Variants in FAM169A observed in about 807,000 individuals in gnomAD.
FAM169A encodes soluble lamin-associated protein of 75 kDa.
A neutral mutation model predicts 75.7 loss-of-function variants in FAM169A; 24 were observed. The ratio of observed to expected loss-of-function variants is 0.32; its 90% CI spans 0.23 to 0.45. FAM169A has a LOEUF of 0.45. FAM169A is among the 20% of genes least tolerant of loss of function. The probability of loss-of-function intolerance (pLI) is 1.00; values close to 1 mark genes in which losing one functional copy is unlikely to be tolerated. For synonymous variants in FAM169A, 271 were observed against 271.0 expected, an observed-to-expected ratio of 1.00 and a Z score of 0.00; for missense variants, 673 against 784.0, an observed-to-expected ratio of 0.86 and a Z score of 1.69.
chr5:74,820,300 T>C (rs1021994159), intron 5 of FAM169A, among the ~76,000 whole-genome samples: 10 of 152,140 alleles, frequency 6.6e-5, no homozygotes, highest in African/African-American at 1.7e-4. Flanking sequence ...CCAGCCTGAA[T>C]TGTATATTTT....
At chr5:74,857,591 A>C (rs1179935858) in intron 1 of FAM169A, among the ~76,000 whole-genome samples, 2 of 133,068 alleles carry the variant, frequency 1.5e-5, no homozygotes, top group African/African-American at 6.0e-5. Flanking sequence ...AAAAAAAAAA[A>C]AAAAAAAAAA....
At chr5:74,858,835 C>T (rs1296439025) in intron 1 of FAM169A, among the ~76,000 whole-genome samples, 4 of 152,000 alleles carry the variant, frequency 2.6e-5, no homozygotes, top group Admixed American at 1.3e-4. Context: ...AGAACAATGC[C>T]ATATCTAAAA....
At chr5:74,782,464 A>C (rs1178032909) in intron 12 of FAM169A, among the ~76,000 whole-genome samples, 1 of 152,238 alleles carries the variant, frequency 6.6e-6, no homozygotes, top group Non-Finnish European at 1.5e-5. Context: ...TGAGACACTA[A>C]TAATGCCATA....
At chr5:74,832,431 T>C (rs1040537499) in intron 5 of FAM169A, among the ~76,000 whole-genome samples, 1 of 151,956 alleles carries the variant, frequency 6.6e-6, no homozygotes, top group Non-Finnish European at 1.5e-5. Flanking sequence ...TCAAGGCTAT[T>C]CTATGTCCTA....
intron 5 of FAM169A, among the ~76,000 whole-genome samples, chr5:74,824,526 A>G (rs1246245501): frequency 6.6e-6 from 1 of 152,140 alleles, no homozygotes; most frequent in African/African-American, 2.4e-5. Flanking sequence ...AGAAGGATTT[A>G]TAAAGTTCAG....
chr5:74,802,338 G>A (rs1367712203), intron 8 of FAM169A, among the ~76,000 whole-genome samples: 1 of 151,272 alleles, frequency 6.6e-6, no homozygotes, highest in Non-Finnish European at 1.5e-5. Flanking sequence ...CCTCCACCCT[G>A]ATGACAAAGT....
chr5:74,807,309 T>G (rs1014774189), intron 6 of FAM169A, among the ~76,000 whole-genome samples: 1 of 152,196 alleles, frequency 6.6e-6, no homozygotes, highest in Non-Finnish European at 1.5e-5. Context: ...AAGCCTATTT[T>G]ATGATAAACT....
intron 1 of FAM169A, among the ~76,000 whole-genome samples, chr5:74,850,650 C>A (rs754346845): frequency 5.3e-5 from 8 of 152,170 alleles, no homozygotes; most frequent in Non-Finnish European, 1.0e-4. Flanking sequence ...AAAATTCCTT[C>A]TGGTTGAGAA....
At chr5:74,787,034 A>G (rs1012739714) in intron 11 of FAM169A, among the ~76,000 whole-genome samples, 2 of 152,174 alleles carry the variant, frequency 1.3e-5, no homozygotes, top group African/African-American at 4.8e-5. Flanking sequence ...TTCTAGACCT[A>G]TAACTGGACT....
intron 4 of FAM169A, among the ~76,000 whole-genome samples, chr5:74,836,454 T>A (rs1748578496): frequency 6.6e-6 from 1 of 152,194 alleles, no homozygotes; most frequent in Non-Finnish European, 1.5e-5. Flanking sequence ...AGCATACTAC[T>A]GAGGACCTCC....
chr5:74,842,701 C>G (rs920211293), intron 1 of FAM169A, among the ~76,000 whole-genome samples: 4 of 151,750 alleles, frequency 2.6e-5, no homozygotes, highest in African/African-American at 4.8e-5. Flanking sequence ...CCAGGACTAT[C>G]TTGCTGGGTT....
At chr5:74,818,129 C>A (rs563714963) in intron 5 of FAM169A, among the ~76,000 whole-genome samples, 1 of 152,196 alleles carries the variant, frequency 6.6e-6, no homozygotes, top group East Asian at 1.9e-4. Context: ...ACCAAAAGCA[C>A]AAGTGACAAA....
chr5:74,800,758 TATA>T (rs1746530127), intron 10 of FAM169A, 119 bp downstream of exon 10: 6 of 332,990 alleles, frequency 1.8e-5, no homozygotes, highest in African/African-American at 1.3e-4. Context: ...ATACCAAAAG[TATA>T]ATAAACAATA....
At chr5:74,852,121 A>C (rs1463992965) in intron 1 of FAM169A, among the ~76,000 whole-genome samples, 4 of 152,226 alleles carry the variant, frequency 2.6e-5, no homozygotes, top group African/African-American at 7.2e-5. Context: ...CATTTGCGAA[A>C]TATTCTGCTG....
At chr5:74,805,812 C>G (rs1188961123) in intron 6 of FAM169A, among the ~76,000 whole-genome samples, 1 of 151,730 alleles carries the variant, frequency 6.6e-6, no homozygotes, top group Non-Finnish European at 1.5e-5. Flanking sequence ...AATACCAGTT[C>G]TCATCAAATT....
rs1170580537 is a variant in FAM169A at position 74,866,273 on chromosome 5, C to G, written c.-112G>C. 5.1e-6 allele frequency: 5 copies of G among 984,132 alleles called. 1 individual carries two copies. In the South Asian group the frequency reaches 1.9e-4, roughly 37 times the overall value. 61.0% of individuals were successfully genotyped at this position (984,132 alleles called of 1,614,324 possible). A position where few individuals can be genotyped will look rare whatever the true frequency, so the allele number is the denominator to read the frequency against. ...TGGCGACCTCCGGCCGGTCCCAGGC[C>G]GCACAGCTCGCGGCTGCCAGGGCGA... On this transcript the variant is annotated 5_prime_UTR_variant, in exon 1 of 13. Coordinates refer to ENST00000687041, the MANE Select transcript of FAM169A (RefSeq NM_001376049.1).
chr5:74,856,204 G>A (rs908565313), intron 1 of FAM169A, among the ~76,000 whole-genome samples: 10 of 152,128 alleles, frequency 6.6e-5, no homozygotes, highest in Non-Finnish European at 1.3e-4. Flanking sequence ...ATAATCTGAG[G>A]TCAGATAATG....
intron 1 of FAM169A, among the ~76,000 whole-genome samples, chr5:74,855,305 C>A (rs1386343785): frequency 3.3e-5 from 5 of 152,206 alleles, no homozygotes; most frequent in African/African-American, 1.2e-4. Flanking sequence ...AAGAGATCCT[C>A]CCACCTCAGC....
At chr5:74,791,783 A>G (rs1368428981) in intron 11 of FAM169A, among the ~76,000 whole-genome samples, 20 of 152,226 alleles carry the variant, frequency 1.3e-4, no homozygotes, top group Admixed American at 1.3e-3. Flanking sequence ...CACTAGGAAA[A>G]AAAAACATGA....
Sources: allele counts gnomAD v4.1 joint callset (sites outside exome capture counted in the v4.1 genomes callset), GRCh38; gene constraint gnomAD v4.1.1; transcripts MANE v1.5; gene names NCBI Gene and HGNC (gene_info 2026-07-23, HGNC 2026-07-21).